The following SHANK2 variants were observed in gnomAD, a reference collection of about 807,000 sequenced individuals.
The protein encoded by SHANK2 is SH3 and multiple ankyrin repeat domains protein 2.
In SHANK2, 43 loss-of-function variants were observed where a neutral mutation model predicts 133.7. That is an observed-to-expected ratio of 0.32 (90% CI 0.25 to 0.41). The LOEUF (loss-of-function observed/expected upper bound fraction) is 0.41. SHANK2 is among the 10% of genes least tolerant of loss of function. The pLI, the probability that SHANK2 is intolerant of heterozygous loss-of-function variation, is 1.00. For synonymous variants in SHANK2, 1,017 were observed against 952.8 expected (o/e 1.07, Z -1.24); for missense variants, 1,994 against 2,235.8 (o/e 0.89, Z 2.18).
intron 2 of SHANK2, among the ~76,000 whole-genome samples, chr11:71,164,516 C>A (rs776296742): frequency 1.3e-4 from 20 of 152,192 alleles, no homozygotes; most frequent in Non-Finnish European, 2.4e-4. Context: ...CTCCAATTCA[C>A]AATGGGGCCT....
intron 11 of SHANK2, among the ~76,000 whole-genome samples, chr11:70,821,719 G>A (rs1441500320): frequency 1.3e-5 from 2 of 152,146 alleles, no homozygotes; most frequent in Admixed American, 1.3e-4. Context: ...CACCGTGCCC[G>A]GCCAATATCT....
In SHANK2 at chr11:70,473,311, C is replaced by G; in HGVS notation, c.5108G>C (p.Gly1703Ala). The G allele has an allele frequency of 6.2e-7, 1 of 1,613,902 alleles. No individual in the cohort carries two copies. Residue 1703 changes from glycine (G) to alanine (A), a missense_variant, in exon 26 of 26, where the codon GGA (glycine) becomes GCA (alanine). Around this residue, in one of 5 missense-constraint regions of SHANK2, gnomAD observed 797 missense variants for 907.4 expected, o/e 0.88. Transcript: ENST00000601538. This position sits in a 1 kb window ranked among gnomAD's most constrained non-coding sequence, Gnocchi z 5.9. ...CACAGGGCTTGGGGCACGTCTTGTT[C>G]CTGAGGTCCTGCTTTCATAGTCGGG... ...RPPDYESRTS[G>A]TRRAPSPVVS...
chr11:70,845,346 A>T (rs1948981240), intron 11 of SHANK2, among the ~76,000 whole-genome samples: 1 of 152,164 alleles, frequency 6.6e-6, no homozygotes, highest in Non-Finnish European at 1.5e-5. Flanking sequence ...ATTAGGGGAG[A>T]CATAATTTCA....
At chr11:71,119,336 C>G (rs1267927400) in intron 3 of SHANK2, among the ~76,000 whole-genome samples, 1 of 152,180 alleles carries the variant, frequency 6.6e-6, no homozygotes, top group Non-Finnish European at 1.5e-5. Flanking sequence ...CATCCCAGCA[C>G]TTTGGGAGGT....
chr11:70,548,973 G>C (rs782247989), intron 17 of SHANK2, among the ~76,000 whole-genome samples: 1 of 152,044 alleles, frequency 6.6e-6, no homozygotes, highest in South Asian at 2.1e-4. Context: ...AGTAGGCAAG[G>C]CTCCTCCCCC....
intron 14 of SHANK2, among the ~76,000 whole-genome samples, chr11:70,770,708 C>T (rs1382197326): frequency 2.0e-5 from 3 of 152,212 alleles, no homozygotes; most frequent in Non-Finnish European, 2.9e-5. Context: ...ACACCCATTT[C>T]GGTTCTCTGA....
chr11:70,551,899 G>T (rs1554978174), intron 17 of SHANK2, among the ~76,000 whole-genome samples: 2 of 152,208 alleles, frequency 1.3e-5, no homozygotes, highest in African/African-American at 4.8e-5. Context: ...CTTGAGGCTG[G>T]AGGGCTGGGG....
intron 17 of SHANK2, among the ~76,000 whole-genome samples, chr11:70,542,178 A>C (rs1591556281): frequency 2.0e-5 from 3 of 152,222 alleles, no homozygotes; most frequent in Admixed American, 2.0e-4. Context: ...AACCCCTGGC[A>C]CCTGCCAATG....
intron 13 of SHANK2, among the ~76,000 whole-genome samples, chr11:70,803,033 G>A (rs1170482211): frequency 6.6e-6 from 1 of 152,122 alleles, no homozygotes; most frequent in East Asian, 1.9e-4. Flanking sequence ...GCAGGTGGGG[G>A]CGAGGACACT....
chr11:71,084,558 G>C (rs1951352115), intron 8 of SHANK2, among the ~76,000 whole-genome samples: 1 of 152,216 alleles, frequency 6.6e-6, no homozygotes, highest in African/African-American at 2.4e-5. Context: ...CATTCTCCAG[G>C]TGCTAGAACA....
At chr11:70,481,246 A>T (rs1409163026) in intron 25 of SHANK2, among the ~76,000 whole-genome samples, 1 of 152,224 alleles carries the variant, frequency 6.6e-6, no homozygotes, top group East Asian at 1.9e-4. Flanking sequence ...GAACTACTTC[A>T]TCATCTTCCT....
Position 70,487,071 on chromosome 11 carries a change from G to A in SHANK2, c.3222C>T (p.Val1074=). The part of the protein sequence containing the change: ...SQLRPDESLT[V]SSPFAAAIAG... ...CGATGGCGGCGGCAAAGGGGCTGCT[G>A]ACGGTCAGGCTTTCGTCAGGCCGCA... Residue 1074 remains valine, a synonymous_variant, in exon 25 of 26, where the codon GTC becomes GTT. Transcript: ENST00000601538. This position sits in a 1 kb window ranked among gnomAD's most constrained non-coding sequence, Gnocchi z 5.8. 1 of 1,609,676 alleles carries A rather than the reference G, an allele frequency of 6.2e-7. No individual in the cohort carries two copies. Among genetic ancestry groups the A allele is most frequent in the Non-Finnish European group, 8.5e-7 (1 of 1,179,834 alleles).
Position 71,147,266 on chromosome 11 carries a change from C to A in SHANK2, c.61G>T (p.Val21Leu). The change falls in exon 3 of 26, where the codon GTG becomes TTG. Residue 21 changes from valine to leucine, a missense_variant. Val to Leu is a conservative substitution (Grantham distance 32). Transcript: ENST00000601538. ...TTGGAGCTGTCTGACTCCGACCCCA[C>A]GGAGTAGTCGGAGAAGCTCTGGGCC... ...EMAQSFSDYS[V>L]GSESDSSKEE... The A allele has an allele frequency of 6.4e-7, 1 of 1,550,978 alleles. No individual in the cohort carries two copies. The highest frequency in any genetic ancestry group is 8.7e-7 in the Non-Finnish European group (1 of 1,146,944).
chr11:71,163,204 TC>T (rs1313825468), intron 2 of SHANK2, among the ~76,000 whole-genome samples: 1 of 146,956 alleles, frequency 6.8e-6, no homozygotes, highest in Non-Finnish European at 1.5e-5. Flanking sequence ...TGTCTACTTT[TC>T]TGTGTTTATA....
chr11:70,893,573 C>T (rs139070682), intron 11 of SHANK2, among the ~76,000 whole-genome samples: 1 of 152,358 alleles, frequency 6.6e-6, no homozygotes, highest in East Asian at 1.9e-4. Context: ...CACAATTGAT[C>T]TAAATGGCAC....
At position 70,783,230 on chromosome 11, in the gene SHANK2, C is replaced by A. The variant is rs192727704; in HGVS notation, c.1777+15213G>T. Among the ~76,000 whole-genome samples, 419 of 152,244 alleles carry A rather than the reference C, an allele frequency of 2.8e-3. 3 individuals are homozygous for A. The highest frequency in any genetic ancestry group is 9.8e-3 in the African/African-American group (409 of 41,548). ...CAGTGTTCTGTTACAGAAGCCTGGA[C>A]TGACAATGAGGTCCAGGCAGGACAG... On this transcript the variant is annotated intron_variant, in intron 14 of 25. Transcript: ENST00000601538.
At chr11:70,646,819 CTTTTATTTAT>C (rs2061267240) in intron 17 of SHANK2, among the ~76,000 whole-genome samples, 2 of 106,104 alleles carry the variant, frequency 1.9e-5, no homozygotes, top group East Asian at 2.4e-4. Context: ...AGGAATCTAA[CTTTTATTTAT>C]TTTATTTATT....
chr11:70,575,471 A>G (rs2060104319), intron 17 of SHANK2, among the ~76,000 whole-genome samples: 1 of 149,620 alleles, frequency 6.7e-6, no homozygotes, highest in Non-Finnish European at 1.5e-5. Flanking sequence ...GTGAGCTGAG[A>G]TTGTGCCACT....
At chr11:70,814,717 C>T (rs1268516659) in intron 12 of SHANK2, among the ~76,000 whole-genome samples, 4 of 152,202 alleles carry the variant, frequency 2.6e-5, no homozygotes, top group East Asian at 1.9e-4. Flanking sequence ...CAATGGACGA[C>T]GCATGGACAG....
Sources: allele counts gnomAD v4.1 joint callset (sites outside exome capture counted in the v4.1 genomes callset), GRCh38; gene constraint gnomAD v4.1.1; regional missense constraint gnomAD v4.1.1; non-coding constraint Gnocchi (gnomAD v3.1); transcripts MANE v1.5; gene names NCBI Gene and HGNC (gene_info 2026-07-23, HGNC 2026-07-21).